Variants in ACAP1 observed in about 807,000 individuals in gnomAD.
The protein encoded by ACAP1 is arf-GAP with coiled-coil, ANK repeat and PH domain-containing protein 1.
ACAP1 carries 45 observed loss-of-function variants against 98.8 expected under a neutral mutation model. The observed-to-expected ratio is 0.46, with a 90% CI of 0.36 to 0.58. The LOEUF is 0.58. ACAP1 is among the 20% of genes least tolerant of loss of function. The pLI is 0.00. For synonymous variants in ACAP1, 362 were observed against 375.3 expected (o/e 0.96, Z 0.41); for missense variants, 735 against 971.4 (o/e 0.76, Z 3.24).
At chr17:7,341,060 C>G (rs1411298356) in intron 2 of ACAP1, among the ~76,000 whole-genome samples, 1 of 152,046 alleles carries the variant, frequency 6.6e-6, no homozygotes, top group Admixed American at 6.6e-5. Context: ...TGGCCCTGAC[C>G]CGTGGTCTAG....
In ACAP1 at chr17:7,350,046, C is replaced by A. The variant is rs1210597938; in HGVS notation, c.1953C>A (p.Gly651=). 1 of 1,613,154 alleles carries A rather than the reference C, an allele frequency of 6.2e-7. No individual in the cohort carries two copies. The highest frequency in any genetic ancestry group is 1.7e-5 in the Admixed American group (1 of 59,942). Residue 651 remains glycine, a synonymous_variant, in exon 19 of 22, where the codon GGC becomes GGA. Transcript: ENST00000158762. This position sits in a 1 kb window ranked among gnomAD's most constrained non-coding sequence, Gnocchi z 4.6. ...RGPLHHATIL[G]HTGLACLFLK... Reference sequence around the variant, plus strand: ...CGCTGCACCACGCAACCATTCTTGGCCACACGGGGTAGGGATGATGGCATG... The same window carrying A: ...CGCTGCACCACGCAACCATTCTTGGACACACGGGGTAGGGATGATGGCATG...
At position 7,343,490 on chromosome 17, in the gene ACAP1, A is replaced by G. The variant is rs1159359158; in HGVS notation, c.456A>G (p.Ala152=). Residue 152 remains alanine (A), a synonymous_variant, in exon 6 of 22, where the codon GCA becomes GCG. Transcript: ENST00000158762. The surrounding 1 kb of genome is among the most constrained non-coding windows in gnomAD (Gnocchi z 4.9). ...AEVPRRRAQE[A]EEAGAALRTA... The stretch of plus-strand genomic sequence containing the variant: ...TTCCCAGGCGCCGGGCCCAGGAGGC[A>G]GAAGAGGCAGGAGCTGCTTTGAGGA... 1 of 1,613,960 alleles carries G rather than the reference A, an allele frequency of 6.2e-7. No homozygotes were observed.
Position 7,336,690 on chromosome 17 carries a change from G to C in ACAP1, c.-45G>C, listed in dbSNP as rs1157270787. 6.2e-7 allele frequency: 1 copy of C among 1,611,300 alleles called. No homozygotes were observed. Among genetic ancestry groups the C allele is most frequent in the African/African-American group, 1.3e-5 (1 of 74,836 alleles). Reference sequence around the variant, plus strand: ...AAGTGCCTCCACCTGCATCCCCAGGGGCCCGGCCTCCAGGGCCCGCTGGCC... The same window carrying C: ...AAGTGCCTCCACCTGCATCCCCAGGCGCCCGGCCTCCAGGGCCCGCTGGCC... On this transcript the variant is annotated 5_prime_UTR_variant, in exon 1 of 22. Transcript: ENST00000158762.
chr17:7,336,866 G>C (rs1439798915), intron 1 of ACAP1, 79 bp downstream of exon 1: 1 of 1,520,692 alleles, frequency 6.6e-7, no homozygotes. Flanking sequence ...CCCCAGGCCA[G>C]GTCTCCTTCC....
rs1409488314 is a variant in ACAP1, at chr17:7,344,639, C to A, written c.845C>A (p.Thr282Asn). 1.3e-6 allele frequency: 2 copies of A among 1,551,252 alleles called. No homozygotes were observed. Among genetic ancestry groups the A allele is most frequent in the Admixed American group, 2.0e-5 (1 of 50,990 alleles). The change falls in exon 10 of 22, where the codon ACC (threonine) becomes AAC (asparagine). Residue 282 changes from threonine (T) to asparagine (N), a missense_variant. Physicochemically the swap from Thr to Asn is moderately conservative, Grantham distance 65. Around this residue, in one of 5 missense-constraint regions of ACAP1, gnomAD observed 430 missense variants for 531.8 expected, o/e 0.81. Transcript: ENST00000158762. The surrounding 1 kb of genome is among the most constrained non-coding windows in gnomAD (Gnocchi z 4.9). ...AAACGGGCCAGCAACGCATTTAAGACCTGGAGCAGGTGAGGAGAGGACACC... is the reference window on the plus strand; with the variant it reads ...AAACGGGCCAGCAACGCATTTAAGAACTGGAGCAGGTGAGGAGAGGACACC... The part of the protein sequence containing the change: ...LFKRASNAFK[T>N]WSRRWFTIQS...
At position 7,344,026 on chromosome 17, in the gene ACAP1, T is replaced by C. The variant is rs1329196040; in HGVS notation, c.670-23T>C. The C allele has an allele frequency of 1.9e-6, 3 of 1,583,108 alleles. No individual in the cohort carries two copies. Among genetic ancestry groups the C allele is most frequent in the Non-Finnish European group, 2.6e-6 (3 of 1,164,054 alleles). ...TCCTAACTGGGGGGCCTTGGACATC[T>C]GAGATGCCCTTCCTGTGCCCAGTTG... On this transcript the variant is annotated intron_variant, in intron 8 of 21. Transcript: ENST00000158762. This position sits in a 1 kb window ranked among gnomAD's most constrained non-coding sequence, Gnocchi z 4.9.
In ACAP1 at chr17:7,350,096, G is replaced by T. The variant is rs770516214; in HGVS notation, c.1962-31G>T. ...GGGGAGGAAGGCTGGGAGAAGTTGGGCGGCCGGCTGACCCTGGCTCTTCTC... is the reference window on the plus strand; with the variant it reads ...GGGGAGGAAGGCTGGGAGAAGTTGGTCGGCCGGCTGACCCTGGCTCTTCTC... On this transcript the variant is annotated intron_variant, in intron 19 of 21. Coordinates refer to ENST00000158762, the MANE Select transcript of ACAP1 (RefSeq NM_014716.4). The surrounding 1 kb of genome is among the most constrained non-coding windows in gnomAD (Gnocchi z 4.6). The T allele has an allele frequency of 6.2e-7, 1 of 1,613,250 alleles. No homozygotes were observed. The highest frequency in any genetic ancestry group is 1.3e-5 in the African/African-American group (1 of 74,934).
intron 21 of ACAP1, 81 bp from the exon 22 acceptor site, chr17:7,351,214 C>A: frequency 7.8e-7 from 1 of 1,282,060 alleles, no homozygotes; most frequent in Middle Eastern, 1.9e-4. Context: ...AGCGCGAGGT[C>A]CCCAGGTGGG....
rs180889705 is a variant in ACAP1 at position 7,350,538 on chromosome 17, C to T, written c.2072+301C>T. ...ATCTTTTTAGCACTAGACGTGACCC[C>T]GGGGGTGGGGGCAGATGAACGGAAC... On this transcript the variant is annotated intron_variant, in intron 20 of 21. Coordinates refer to ENST00000158762, the MANE Select transcript of ACAP1 (RefSeq NM_014716.4). This position sits in a 1 kb window ranked among gnomAD's most constrained non-coding sequence, Gnocchi z 4.6. The T allele has an allele frequency of 4.2e-4, 196 of 470,584 alleles. 1 individual carries two copies. The East Asian group carries it at 5.0e-3, about 12-fold the overall frequency. 29.2% of individuals were successfully genotyped at this position (470,584 alleles called of 1,614,324 possible).
chr17:7,350,953 AC>A lies in ACAP1; in HGVS notation c.2077del (p.Arg693AspfsTer5). Reference sequence around the variant, plus strand: ...TTCTTAATTCCCTCCTCTTCAGGCTACGACTGGCAAAGATGAGGGAGGCTGA... The same window carrying A: ...TTCTTAATTCCCTCCTCTTCAGGCTAGACTGGCAAAGATGAGGGAGGCTGA... ...TANADIVTLL[R>X]LAKMREAEAA... On this transcript the variant is annotated frameshift_variant, in exon 21 of 22. Coordinates refer to ENST00000158762, the MANE Select transcript of ACAP1 (RefSeq NM_014716.4). LOFTEE classifies it high-confidence loss of function. This position sits in a 1 kb window ranked among gnomAD's most constrained non-coding sequence, Gnocchi z 4.6. 1.9e-6 allele frequency: 3 copies of A among 1,614,164 alleles called. No homozygotes were observed. Among genetic ancestry groups the A allele is most frequent in the Non-Finnish European group, 2.5e-6 (3 of 1,180,012 alleles).
rs2073351557 is a variant in ACAP1 at position 7,346,889 on chromosome 17, C to T, written c.1089C>T (p.Phe363=). The T allele has an allele frequency of 6.2e-7, 1 of 1,613,146 alleles. No individual in the cohort carries two copies. Among genetic ancestry groups the T allele is most frequent in the Non-Finnish European group, 8.5e-7 (1 of 1,179,318 alleles). The change falls in exon 13 of 22, where the codon TTC becomes TTT. Residue 363 remains phenylalanine (F), a synonymous_variant. Transcript: ENST00000158762. ...SAVQSSIASA[F]SQARLDDSPR... is the part of the protein sequence containing the mutation. ...TGCAGAGCAGCATTGCTTCTGCCTT[C>T]AGTCAGGCTCGCCTTGATGACAGCC...
rs758321602 is a variant in ACAP1, at chr17:7,350,275, TC to T, written c.2072+44del. 3.9e-5 allele frequency: 56 copies of T among 1,436,318 alleles called. 1 individual carries two copies. In the South Asian group the frequency reaches 4.4e-4, roughly 11 times the overall value. 89.0% of individuals were successfully genotyped at this position (1,436,318 alleles called of 1,614,324 possible). A position where few individuals can be genotyped will look rare whatever the true frequency, so the allele number is the denominator to read the frequency against. On this transcript the variant is annotated intron_variant, in intron 20 of 21. Coordinates refer to ENST00000158762, the MANE Select transcript of ACAP1 (RefSeq NM_014716.4). The surrounding 1 kb of genome is among the most constrained non-coding windows in gnomAD (Gnocchi z 4.6). The stretch of plus-strand genomic sequence containing the variant: ...GAAGGGGCGGGGCTGGCGCTGGGAC[TC>T]CCCCCACCCCCGCCCACCCACGTTC...
Position 7,350,990 on chromosome 17 carries a change from GGGCAGGCAGGTAAAGAATACA to G in ACAP1, c.2114_2122+12del, listed in dbSNP as rs1465090937. 6.2e-7 allele frequency: 1 copy of G among 1,614,130 alleles called. No homozygotes were observed. Among genetic ancestry groups the G allele is most frequent in the South Asian group, 1.1e-5 (1 of 91,078 alleles). On this transcript the variant is annotated splice_donor_variant and splice_donor_5th_base_variant and coding_sequence_variant and intron_variant, in exon 21 of 22. Transcript: ENST00000158762. LOFTEE classifies it high-confidence loss of function. This position sits in a 1 kb window ranked among gnomAD's most constrained non-coding sequence, Gnocchi z 4.6. Reference sequence around the variant, plus strand: ...GATGAGGGAGGCTGAAGCGGCCCAGGGGCAGGCAGGTAAAGAATACACCCACCCCACCCCCCAGGCCCAACA... The same window carrying G: ...GATGAGGGAGGCTGAAGCGGCCCAGGCCCACCCCACCCCCCAGGCCCAACA...
chr17:7,336,768 A>G lies in ACAP1; in HGVS notation c.34A>G (p.Lys12Glu). Residue 12 changes from lysine (K) to glutamate (E), a missense_variant, in exon 1 of 22, where the codon AAG becomes GAG. Transcript: ENST00000158762. ...TVKLDFEECLKDSPRFRASIE... is the reference protein window; with the variant it reads ...TVKLDFEECLEDSPRFRASIE... The stretch of plus-strand genomic sequence containing the variant: ...CAAGCTGGATTTCGAGGAGTGTCTC[A>G]AGGACTCACCCCGTTTCCGGTAAGT... 6.2e-7 allele frequency: 1 copy of G among 1,613,860 alleles called. No individual in the cohort carries two copies. Among genetic ancestry groups the G allele is most frequent in the South Asian group, 1.1e-5 (1 of 91,080 alleles).
Position 7,347,955 on chromosome 17 carries a change from T to C in ACAP1, c.1377T>C (p.Ser459=), listed in dbSNP as rs1489101657. 6.8e-6 allele frequency: 11 copies of C among 1,614,074 alleles called. No individual in the cohort carries two copies. The highest frequency in any genetic ancestry group is 9.3e-6 in the Non-Finnish European group (11 of 1,180,034). ...SLGVHFSKVR[S]LTLDSWEPEL... ...GTGTTCACTTCTCCAAAGTCCGGTCTCTGACCCTTGACTCATGGGAGCCAG... is the reference window on the plus strand; with the variant it reads ...GTGTTCACTTCTCCAAAGTCCGGTCCCTGACCCTTGACTCATGGGAGCCAG... The change falls in exon 15 of 22, where the codon TCT becomes TCC. Residue 459 remains serine, a synonymous_variant. Transcript: ENST00000158762.
At position 7,343,191 on chromosome 17, in the gene ACAP1, A is replaced by G; in HGVS notation, c.345-188A>G. The G allele has an allele frequency of 1.8e-6, 1 of 565,994 alleles. No individual in the cohort carries two copies. The highest frequency in any genetic ancestry group is 2.8e-5 in the South Asian group (1 of 35,142). The allele number at this position is 565,994 out of a possible 1,614,324, so 35.1% of individuals were successfully genotyped here. On this transcript the variant is annotated intron_variant, in intron 5 of 21. Transcript: ENST00000158762. The surrounding 1 kb of genome is among the most constrained non-coding windows in gnomAD (Gnocchi z 4.9). ...CCTGCTGCCCTCTTCCCATGGCCAC[A>G]GGAGCCTCCCCAGTGACGGAGTTGT... is the stretch of plus-strand genomic sequence containing the variant.
chr17:7,345,460 A>G (rs1291605747), intron 10 of ACAP1: 1 of 151,920 alleles, frequency 6.6e-6, no homozygotes, highest in Non-Finnish European at 1.5e-5. Context: ...AATAGCTGGG[A>G]CCACAGGCGT....
rs569044211 is a variant in ACAP1, at chr17:7,350,254, G to C, written c.2072+17G>C. 2 of 1,607,656 alleles carry C rather than the reference G, an allele frequency of 1.2e-6. No individual in the cohort carries two copies. Among genetic ancestry groups the C allele is most frequent in the Non-Finnish European group, 1.7e-6 (2 of 1,174,948 alleles). ...CGTCACCCTGTAAGAATGCCTGAAG[G>C]GGCGGGGCTGGCGCTGGGACTCCCC... is the stretch of plus-strand genomic sequence containing the variant. On this transcript the variant is annotated intron_variant, in intron 20 of 21. Coordinates refer to ENST00000158762, the MANE Select transcript of ACAP1 (RefSeq NM_014716.4). This position sits in a 1 kb window ranked among gnomAD's most constrained non-coding sequence, Gnocchi z 4.6.
At position 7,347,905 on chromosome 17, in the gene ACAP1, C is replaced by A. The variant is rs2073363032; in HGVS notation, c.1344-17C>A. 1.2e-6 allele frequency: 2 copies of A among 1,612,116 alleles called. No homozygotes were observed. Among genetic ancestry groups the A allele is most frequent in the Middle Eastern group, 1.7e-4 (1 of 5,966 alleles). On this transcript the variant is annotated splice_polypyrimidine_tract_variant and intron_variant, in intron 14 of 21. Transcript: ENST00000158762. ...CCCCCCTGCACAGGGCCTGACCCTC[C>A]CCCTCTGGCCCTCCAGGAGCCTTGG...
Sources: gnomAD v4.1 joint callset for allele counts (sites outside exome capture counted in the v4.1 genomes callset) on GRCh38, gnomAD v4.1.1 for gene constraint, gnomAD v4.1.1 regional missense constraint, Gnocchi (gnomAD v3.1) non-coding constraint, MANE v1.5 for transcripts, NCBI Gene and HGNC (gene_info 2026-07-23, HGNC 2026-07-21) for gene names.